The following NEO1 variants were observed in gnomAD, a reference collection of about 807,000 sequenced individuals.
NEO1 encodes the protein neogenin.
NEO1 carries 63 observed loss-of-function variants against 159.7 expected under a neutral mutation model. The observed-to-expected ratio is 0.39, with a 90% CI of 0.32 to 0.49. The LOEUF (loss-of-function observed/expected upper bound fraction) is 0.49, where lower values mean the gene tolerates loss of function less well. NEO1 is among the 20% of genes least tolerant of loss of function. The probability of loss-of-function intolerance (pLI) is 0.85; values close to 1 mark genes in which losing one functional copy is unlikely to be tolerated. For synonymous variants in NEO1, 633 were observed against 662.0 expected, an observed-to-expected ratio of 0.96 and a Z score of 0.67; for missense variants, 1,615 against 1,831.0, an observed-to-expected ratio of 0.88 and a Z score of 2.15.
chr15:73,063,799 T>C (rs1341505828), intron 1 of NEO1, among the ~76,000 whole-genome samples: 1 of 152,200 alleles, frequency 6.6e-6, no homozygotes, highest in East Asian at 1.9e-4. Context: ...GTGATGATGA[T>C]GATGAAATCA....
At chr15:73,287,181 A>G (rs905146400) in intron 23 of NEO1, among the ~76,000 whole-genome samples, 2 of 152,230 alleles carry the variant, frequency 1.3e-5, no homozygotes, top group Middle Eastern at 3.4e-3. Context: ...AAATCCTTCT[A>G]ATATACCACC....
At chr15:73,184,258 C>G (rs993927696) in intron 7 of NEO1, among the ~76,000 whole-genome samples, 1 of 152,134 alleles carries the variant, frequency 6.6e-6, no homozygotes, top group Non-Finnish European at 1.5e-5. Flanking sequence ...CGGGTTCAAG[C>G]AATTCTCCTG....
At chr15:73,279,062 C>T (rs985195262) in intron 22 of NEO1, among the ~76,000 whole-genome samples, 24 of 152,242 alleles carry the variant, frequency 1.6e-4, no homozygotes, top group African/African-American at 5.3e-4. Flanking sequence ...TGTAGGAATA[C>T]GATGATGTCT....
chr15:73,270,901 G>C (rs534848417), intron 18 of NEO1, among the ~76,000 whole-genome samples: 1 of 152,352 alleles, frequency 6.6e-6, no homozygotes, highest in East Asian at 1.9e-4. Context: ...AAGTGGACAC[G>C]AGAGGGAAAA....
At chr15:73,253,962 T>C (rs2040212805) in intron 12 of NEO1, among the ~76,000 whole-genome samples, 1 of 152,176 alleles carries the variant, frequency 6.6e-6, no homozygotes, top group African/African-American at 2.4e-5. Flanking sequence ...TTAGGGGCCA[T>C]GTTTGCCTCT....
intron 1 of NEO1, among the ~76,000 whole-genome samples, chr15:73,115,304 G>T (rs998899737): frequency 1.3e-5 from 2 of 152,186 alleles, no homozygotes; most frequent in African/African-American, 4.8e-5. Flanking sequence ...GCCTCCCAAA[G>T]TGCTGGGATT....
At chr15:73,086,552 A>G (rs1450112079) in intron 1 of NEO1, among the ~76,000 whole-genome samples, 2 of 142,172 alleles carry the variant, frequency 1.4e-5, no homozygotes, top group African/African-American at 5.1e-5. Context: ...ATCCATGAAT[A>G]TAGTATGTCT....
chr15:73,124,685 T>C lies in NEO1; in HGVS notation c.725-1732T>C, dbSNP rs540019659. On this transcript the variant is annotated intron_variant, in intron 3 of 28. Coordinates refer to ENST00000261908, the MANE Select transcript of NEO1 (RefSeq NM_002499.4). ...AGTGAAGCCTTCCTTGAACACTCTG[T>C]TTAAAACAACAATCTTTGATTTCCA... is the stretch of plus-strand genomic sequence containing the variant. Among the ~76,000 whole-genome samples, 13 of 152,296 alleles carry C rather than the reference T, an allele frequency of 8.5e-5. No homozygotes were observed. In the South Asian group the frequency reaches 1.5e-3, roughly 17 times the overall value.
chr15:73,271,168 G>C (rs1315828396), intron 18 of NEO1, among the ~76,000 whole-genome samples: 1 of 152,212 alleles, frequency 6.6e-6, no homozygotes, highest in East Asian at 1.9e-4. Context: ...ACTTTGTACA[G>C]AGAGAAGGGT....
At chr15:73,054,320 A>G (rs2067601974) in intron 1 of NEO1, among the ~76,000 whole-genome samples, 1 of 152,226 alleles carries the variant, frequency 6.6e-6, no homozygotes, top group Non-Finnish European at 1.5e-5. Flanking sequence ...TAGTAATTTT[A>G]TTACTTAGGA....
intron 1 of NEO1, among the ~76,000 whole-genome samples, chr15:73,113,530 A>T (rs779641190): frequency 6.6e-6 from 1 of 152,198 alleles, no homozygotes; most frequent in Non-Finnish European, 1.5e-5. Flanking sequence ...AAACATGGCC[A>T]CATCTGTTGG....
chr15:73,083,865 A>C (rs2069206317), intron 1 of NEO1, among the ~76,000 whole-genome samples: 1 of 152,116 alleles, frequency 6.6e-6, no homozygotes, highest in Non-Finnish European at 1.5e-5. Context: ...TAATCCTCCC[A>C]ACAAGTATTC....
At chr15:73,073,550 G>T (rs554092694) in intron 1 of NEO1, among the ~76,000 whole-genome samples, 10 of 152,142 alleles carry the variant, frequency 6.6e-5, no homozygotes, top group Admixed American at 6.5e-4. Context: ...AACTGACAGT[G>T]TAAGTTTCCT....
intron 1 of NEO1, among the ~76,000 whole-genome samples, chr15:73,115,887 CAA>C: frequency 1.3e-5 from 2 of 152,096 alleles, no homozygotes; most frequent in Middle Eastern, 6.8e-3. Flanking sequence ...TAGAAAATCA[CAA>C]GAGTAATAGA....
intron 9 of NEO1, among the ~76,000 whole-genome samples, chr15:73,246,232 A>G (rs990178133): frequency 3.9e-5 from 6 of 152,206 alleles, no homozygotes; most frequent in African/African-American, 1.4e-4. Flanking sequence ...TTCTTCCCTT[A>G]AAGAAGGAGC....
intron 7 of NEO1, among the ~76,000 whole-genome samples, chr15:73,209,712 C>T (rs961369889): frequency 2.6e-5 from 4 of 152,150 alleles, no homozygotes; most frequent in Non-Finnish European, 5.9e-5. Flanking sequence ...AGTAGCTTGG[C>T]CGGGCACGGT....
chr15:73,156,660 C>G (rs1006908810), intron 5 of NEO1, among the ~76,000 whole-genome samples: 9 of 152,214 alleles, frequency 5.9e-5, no homozygotes, highest in Admixed American at 3.9e-4. Flanking sequence ...TAATAGCCAG[C>G]TATATTGTCA....
At chr15:73,133,873 T>C (rs1193908591) in intron 4 of NEO1, among the ~76,000 whole-genome samples, 1 of 152,212 alleles carries the variant, frequency 6.6e-6, no homozygotes, top group Non-Finnish European at 1.5e-5. Context: ...TAAGAAAGAC[T>C]GACTGCTATG....
At chr15:73,227,738 C>T (rs1260385337) in intron 7 of NEO1, among the ~76,000 whole-genome samples, 1 of 152,184 alleles carries the variant, frequency 6.6e-6, no homozygotes, top group Middle Eastern at 3.2e-3. Flanking sequence ...TTCAGATTTA[C>T]ATGGTGTTTA....
Sources: allele counts gnomAD v4.1 joint callset (sites outside exome capture counted in the v4.1 genomes callset), GRCh38; gene constraint gnomAD v4.1.1; transcripts MANE v1.5; gene names NCBI Gene and HGNC (gene_info 2026-07-23, HGNC 2026-07-21).